Variants in PDE1C observed in about 807,000 individuals in gnomAD.
PDE1C encodes the protein dual specificity calcium/calmodulin-dependent 3',5'-cyclic nucleotide phosphodiesterase 1C.
Under a neutral mutation model 93.1 loss-of-function variants are expected in PDE1C, and 62 were observed. That is an observed-to-expected ratio of 0.67 (90% CI 0.54 to 0.82). The LOEUF is 0.82. Ranked by LOEUF, PDE1C falls within the 40% of genes least tolerant of loss-of-function variation. PDE1C has a pLI of 0.00. For synonymous variants in PDE1C, 325 were observed against 310.1 expected (o/e 1.05, Z -0.50); for missense variants, 742 against 884.6 (o/e 0.84, Z 2.04).
At chr7:32,328,666 C>T (rs1292910715) in intron 1 of PDE1C, among the ~76,000 whole-genome samples, 2 of 151,994 alleles carry the variant, frequency 1.3e-5, no homozygotes, top group African/African-American at 4.8e-5. Flanking sequence ...CCCTTGCTTG[C>T]CTAACTACTA....
At chr7:32,359,004 G>T (rs1275085252) in intron 1 of PDE1C, among the ~76,000 whole-genome samples, 1 of 151,930 alleles carries the variant, frequency 6.6e-6, no homozygotes, top group Non-Finnish European at 1.5e-5. Context: ...TCCTTGCTGG[G>T]CCTGCATCGA....
chr7:31,802,928 T>G (rs1786252032), intron 16 of PDE1C, among the ~76,000 whole-genome samples: 2 of 151,774 alleles, frequency 1.3e-5, no homozygotes, highest in African/African-American at 2.4e-5. Context: ...GTATTGAGCT[T>G]CTTGAATCTG....
intron 3 of PDE1C, among the ~76,000 whole-genome samples, chr7:32,123,282 T>A (rs1212928564): frequency 6.6e-6 from 1 of 151,940 alleles, no homozygotes; most frequent in Non-Finnish European, 1.5e-5. Context: ...CTAGCAGAGG[T>A]ACAAAAAGGA....
intron 9 of PDE1C, 81 bp downstream of exon 9, chr7:31,847,887 C>A: frequency 6.8e-7 from 1 of 1,461,148 alleles, no homozygotes; most frequent in South Asian, 1.1e-5. Flanking sequence ...GCAAGGTGTT[C>A]TTTTCTCAAA....
At chr7:32,079,578 G>T (rs373839630) in intron 3 of PDE1C, among the ~76,000 whole-genome samples, 2 of 152,178 alleles carry the variant, frequency 1.3e-5, no homozygotes, top group East Asian at 3.9e-4. Context: ...ATGGCAACCC[G>T]GGCTAGAATA....
chr7:31,690,934 C>T, the PDE1C span, among the ~76,000 whole-genome samples: 1 of 152,146 alleles, frequency 6.6e-6, no homozygotes, highest in Non-Finnish European at 1.5e-5. Context: ...GCCCATGACT[C>T]TGCCTGAAGA....
At chr7:32,094,252 GA>G (rs1332646840) in intron 3 of PDE1C, among the ~76,000 whole-genome samples, 1 of 152,114 alleles carries the variant, frequency 6.6e-6, no homozygotes, top group Admixed American at 6.5e-5. Context: ...AAAGAGTAAG[GA>G]AAAGATGCTG....
At chr7:32,132,655 G>A (rs1259567095) in intron 3 of PDE1C, among the ~76,000 whole-genome samples, 1 of 152,092 alleles carries the variant, frequency 6.6e-6, no homozygotes, top group African/African-American at 2.4e-5. Context: ...GACAGAGCAA[G>A]ACTTTGTCTC....
At chr7:32,090,795 G>C (rs773577049) in intron 3 of PDE1C, among the ~76,000 whole-genome samples, 1 of 152,136 alleles carries the variant, frequency 6.6e-6, no homozygotes, top group Non-Finnish European at 1.5e-5. Context: ...GACCCTCCTG[G>C]AGACCATCCA....
intron 1 of PDE1C, among the ~76,000 whole-genome samples, chr7:32,267,377 C>T (rs1385822071): frequency 1.3e-5 from 2 of 148,876 alleles, no homozygotes; most frequent in Admixed American, 6.7e-5. Flanking sequence ...ACAAACACCT[C>T]GGAAGGAATG....
chr7:32,317,586 G>GTT (rs34523346), intron 1 of PDE1C, among the ~76,000 whole-genome samples: 11 of 147,224 alleles, frequency 7.5e-5, no homozygotes, highest in African/African-American at 1.7e-4. Context: ...GAAAGTGATA[G>GTT]TTTTTTTTTT....
intron 3 of PDE1C, among the ~76,000 whole-genome samples, chr7:32,116,869 T>A (rs1799011687): frequency 6.6e-6 from 1 of 152,212 alleles, no homozygotes; most frequent in South Asian, 2.1e-4. Context: ...CCCAGAGCTT[T>A]AGTCACATCT....
chr7:32,424,114 A>T (rs1785485242), intron 1 of PDE1C, among the ~76,000 whole-genome samples: 1 of 152,186 alleles, frequency 6.6e-6, no homozygotes, highest in Non-Finnish European at 1.5e-5. Context: ...CACTAGTGAG[A>T]TCTGAAAGCA....
chr7:32,156,973 A>T (rs1801611459), intron 3 of PDE1C, among the ~76,000 whole-genome samples: 2 of 152,128 alleles, frequency 1.3e-5, no homozygotes, highest in South Asian at 4.1e-4. Context: ...AATAGGATAA[A>T]TCTCCTTCCT....
intron 3 of PDE1C, among the ~76,000 whole-genome samples, chr7:32,093,251 G>A (rs918234523): frequency 6.6e-6 from 1 of 152,202 alleles, no homozygotes; most frequent in African/African-American, 2.4e-5. Context: ...CAAGAGTGGA[G>A]TCCTTGGTGA....
intron 2 of PDE1C, among the ~76,000 whole-genome samples, chr7:31,972,867 C>G (rs979904359): frequency 6.6e-5 from 10 of 152,126 alleles, no homozygotes; most frequent in Admixed American, 2.6e-4. Flanking sequence ...TCTCTGCCCC[C>G]CATGAGCCTG....
intron 1 of PDE1C, among the ~76,000 whole-genome samples, chr7:32,060,957 A>G (rs528680661): frequency 2.2e-4 from 33 of 152,216 alleles, no homozygotes; most frequent in East Asian, 7.7e-4. Flanking sequence ...CTTAGACAAA[A>G]GTCAGAGAGA....
intron 2 of PDE1C, among the ~76,000 whole-genome samples, chr7:31,930,063 A>G (rs1451863719): frequency 6.6e-6 from 1 of 152,188 alleles, no homozygotes; most frequent in African/African-American, 2.4e-5. Flanking sequence ...GACACAATAA[A>G]AAATGATAAA....
intron 2 of PDE1C, among the ~76,000 whole-genome samples, chr7:31,999,812 A>G (rs1199164547): frequency 6.6e-6 from 1 of 152,204 alleles, no homozygotes; most frequent in Non-Finnish European, 1.5e-5. Flanking sequence ...AGCAGTCATG[A>G]GAGAGATTAA....
Sources: gnomAD v4.1 joint callset for allele counts (sites outside exome capture counted in the v4.1 genomes callset) on GRCh38, gnomAD v4.1.1 for gene constraint, MANE v1.5 for transcripts, NCBI Gene and HGNC (gene_info 2026-07-23, HGNC 2026-07-21) for gene names.